PCMT1: variants seen among roughly 807,000 people sequenced by gnomAD.
PCMT1 encodes the protein protein-L-isoaspartate (D-aspartate) O-methyltransferase.
PCMT1 carries 9 observed loss-of-function variants against 29.2 expected under a neutral mutation model. That is an observed-to-expected ratio of 0.31 (90% confidence interval 0.19 to 0.54). The LOEUF (loss-of-function observed/expected upper bound fraction) is 0.54. Among genes scored for constraint, PCMT1 ranks in the 20% least tolerant of loss-of-function variants. The pLI is 0.95. For missense variants in PCMT1, 184 were observed against 282.2 expected, an observed-to-expected ratio of 0.65 and a Z score of 2.49; for synonymous variants, 98 against 97.5, an observed-to-expected ratio of 1.00 and a Z score of -0.03.
chr6:149,761,401 C>A (rs192644654), intron 1 of PCMT1, among the ~76,000 whole-genome samples: 2,154 of 152,134 alleles, frequency 0.014, 15 homozygotes, highest in Non-Finnish European at 0.023. Flanking sequence ...TAATGAAAAA[C>A]AACATTCTTC....
chr6:149,773,350 AGTTTTGTTTTGTTTT>A (rs71709110), intron 3 of PCMT1, among the ~76,000 whole-genome samples, 181 bp downstream of exon 3: 73,119 of 150,656 alleles, frequency 0.49, 19,722 homozygotes, highest in East Asian at 0.81. Context: ...CTGTAGAAGG[AGTTTTGTTTTGTTTT>A]GTTTTGTTTT....
At chr6:149,806,471 T>G (rs1382723248) in intron 7 of PCMT1, among the ~76,000 whole-genome samples, 1 of 152,236 alleles carries the variant, frequency 6.6e-6, no homozygotes, top group Non-Finnish European at 1.5e-5. Flanking sequence ...GGTGGATAGC[T>G]ACATCTAAAA....
intron 3 of PCMT1, among the ~76,000 whole-genome samples, chr6:149,774,217 A>G (rs565126859): frequency 2.0e-5 from 3 of 151,878 alleles, no homozygotes; most frequent in South Asian, 4.2e-4. Context: ...GTAGGAAAGA[A>G]CAATAGCTTT....
intron 1 of PCMT1, 95 bp downstream of exon 1, chr6:149,750,051 C>A: frequency 6.9e-7 from 1 of 1,447,796 alleles, no homozygotes; most frequent in Non-Finnish European, 9.2e-7. Context: ...TCTGTCCCCG[C>A]GCGCCTGTTG....
intron 3 of PCMT1, among the ~76,000 whole-genome samples, chr6:149,778,628 G>A (rs868613121): frequency 1.3e-5 from 2 of 151,978 alleles, no homozygotes; most frequent in Non-Finnish European, 2.9e-5. Flanking sequence ...GCCGAGACCT[G>A]CTGAGCTTAA....
chr6:149,761,676 T>G (rs1786745577), intron 1 of PCMT1, among the ~76,000 whole-genome samples: 1 of 152,212 alleles, frequency 6.6e-6, no homozygotes, highest in Non-Finnish European at 1.5e-5. Context: ...TAACCTCTGT[T>G]TCTTGTTCCA....
intron 5 of PCMT1, chr6:149,794,960 C>T: frequency 2.4e-6 from 1 of 414,068 alleles, no homozygotes; most frequent in Non-Finnish European, 4.8e-6. Flanking sequence ...CTTTGGGAGG[C>T]CAAGGCGGGC....
Position 149,770,191 on chromosome 6 carries a change from C to A in PCMT1, c.56-971C>A, listed in dbSNP as rs192942050. 1.6e-3 allele frequency among the ~76,000 whole-genome samples: 248 copies of A among 152,272 alleles called. 2 individuals are homozygous for A. Among genetic ancestry groups the A allele is most frequent in the Non-Finnish European group, 2.6e-3 (180 of 68,022 alleles). On this transcript the variant is annotated intron_variant, in intron 1 of 7. Coordinates refer to ENST00000464889, the MANE Select transcript of PCMT1 (RefSeq NM_001360452.2). ...AGATCTCTTTCCTGAGCTCCAGATC[C>A]ATGTGTCCAGCTGACTACAGAATAT...
chr6:149,756,512 CTTTTTTT>C (rs61038108), intron 1 of PCMT1, among the ~76,000 whole-genome samples: 7 of 74,724 alleles, frequency 9.4e-5, no homozygotes, highest in South Asian at 4.3e-4. Flanking sequence ...CCATGACTGG[CTTTTTTT>C]TTTTTTTTTT....
rs201947626 is a variant in PCMT1, at chr6:149,769,308, C to T, written c.56-1854C>T. Among the ~76,000 whole-genome samples the T allele has an allele frequency of 8.2e-3, 584 of 71,312 alleles. 1 individual carries two copies. The highest frequency in any genetic ancestry group is 0.02 in the East Asian group (23 of 1,140). 46.8% of individuals were successfully genotyped at this position (71,312 alleles called of 152,430 possible). A position where few individuals can be genotyped will look rare whatever the true frequency, so the allele number is the denominator to read the frequency against. On this transcript the variant is annotated intron_variant, in intron 1 of 7. Transcript: ENST00000464889. The stretch of plus-strand genomic sequence containing the variant: ...AGTTAGCACCTATTTGTGCAGGATT[C>T]TTTTTTTTTTTTTTTTTTTTTTTTG...
intron 3 of PCMT1, among the ~76,000 whole-genome samples, chr6:149,784,172 A>C (rs978657947): frequency 7.2e-5 from 11 of 152,342 alleles, no homozygotes; most frequent in African/African-American, 2.4e-4. Flanking sequence ...TCTGTGGAAC[A>C]TTAAGGACTT....
At chr6:149,758,192 T>TTTTTTC (rs142697234) in intron 1 of PCMT1, among the ~76,000 whole-genome samples, 3,999 of 99,268 alleles carry the variant, frequency 0.04, 119 homozygotes, top group East Asian at 0.076. Flanking sequence ...CCAATTTTTT[T>TTTTTTC]TTTCTTTCTT....
chr6:149,807,503 T>C (rs985889638), intron 7 of PCMT1, among the ~76,000 whole-genome samples: 1 of 152,152 alleles, frequency 6.6e-6, no homozygotes, highest in Non-Finnish European at 1.5e-5. Context: ...CCCGCATAGC[T>C]GGGACTACAG....
chr6:149,786,341 A>G (rs1583038904), intron 3 of PCMT1, among the ~76,000 whole-genome samples: 2 of 82,068 alleles, frequency 2.4e-5, no homozygotes, highest in Non-Finnish European at 4.3e-5. Flanking sequence ...TCCCTCCCGG[A>G]CGGGGCGGCT....
intron 2 of PCMT1, 122 bp from the exon 3 acceptor site, chr6:149,773,015 AG>A: frequency 2.8e-6 from 2 of 726,234 alleles, no homozygotes; most frequent in Non-Finnish European, 4.3e-6. Context: ...AGACTGTCTC[AG>A]AAAAAAAAAA....
chr6:149,808,332 C>A (rs1477462066), intron 7 of PCMT1, among the ~76,000 whole-genome samples: 1 of 151,834 alleles, frequency 6.6e-6, no homozygotes, highest in African/African-American at 2.4e-5. Context: ...ACATGTAAGT[C>A]AGATAAAGAA....
At chr6:149,782,927 G>A (rs1021873429) in intron 3 of PCMT1, among the ~76,000 whole-genome samples, 3 of 151,924 alleles carry the variant, frequency 2.0e-5, no homozygotes, top group African/African-American at 4.8e-5. Context: ...GAGGCCGAGC[G>A]GGCAGATCCC....
rs191865652 is a variant in PCMT1, at chr6:149,805,413, G to A, written c.*37+2997G>A. On this transcript the variant is annotated intron_variant, in intron 7 of 7. Transcript: ENST00000464889. Reference sequence around the variant, plus strand: ...TCGAGACCATCCTGGGTAACATGGCGAAACCCCGTCTCTCCTAAAAATACA... The same window carrying A: ...TCGAGACCATCCTGGGTAACATGGCAAAACCCCGTCTCTCCTAAAAATACA... Among the ~76,000 whole-genome samples, 513 of 151,270 alleles carry A rather than the reference G, an allele frequency of 3.4e-3. 5 individuals are homozygous for A. Among genetic ancestry groups the A allele is most frequent in the Non-Finnish European group, 4.7e-3 (322 of 67,862 alleles).
At chr6:149,750,212 C>A (rs555839452) in intron 1 of PCMT1, 1 of 555,802 alleles carries the variant, frequency 1.8e-6, no homozygotes, top group East Asian at 3.0e-5. Flanking sequence ...GCAGTCGTCT[C>A]CCTGCAGGCC....
Sources: allele counts gnomAD v4.1 joint callset (sites outside exome capture counted in the v4.1 genomes callset), GRCh38; gene constraint gnomAD v4.1.1; transcripts MANE v1.5; gene names NCBI Gene and HGNC (gene_info 2026-07-23, HGNC 2026-07-21).